Variants in TUSC3 observed in about 807,000 individuals in gnomAD.
TUSC3 encodes dolichyl-diphosphooligosaccharide--protein glycosyltransferase subunit TUSC3.
Under a neutral mutation model 44.8 loss-of-function variants are expected in TUSC3, and 45 were observed. The observed-to-expected ratio is 1.00, with a 90% CI of 0.79 to 1.29. The LOEUF (loss-of-function observed/expected upper bound fraction) is 1.29. Among genes scored for constraint, TUSC3 ranks in the 50% most tolerant of loss-of-function variants. The probability of loss-of-function intolerance (pLI) is 0.00; values close to 1 mark genes in which losing one functional copy is unlikely to be tolerated. For missense variants in TUSC3, 519 were observed against 437.9 expected, an observed-to-expected ratio of 1.19 and a Z score of -1.65; for synonymous variants, 212 against 152.9, an observed-to-expected ratio of 1.39 and a Z score of -2.85.
chr8:15,662,058 C>T, intron 4 of TUSC3, 98 bp from the exon 5 acceptor site: 3 of 1,380,126 alleles, frequency 2.2e-6, no homozygotes, highest in Non-Finnish European at 3.0e-6. Context: ...TGGCATGTTT[C>T]TGAGTTCTTT....
chr8:15,673,187 T>G (rs879745617), intron 5 of TUSC3, among the ~76,000 whole-genome samples: 9 of 152,114 alleles, frequency 5.9e-5, no homozygotes, highest in Admixed American at 3.3e-4. Context: ...GTATATAATC[T>G]TTGCGAGTTA....
intron 1 of TUSC3, among the ~76,000 whole-genome samples, chr8:15,582,047 A>G (rs1803377553): frequency 6.6e-6 from 1 of 152,134 alleles, no homozygotes; most frequent in East Asian, 1.9e-4. Flanking sequence ...AAAGCGCAAT[A>G]TTCGGGTGGC....
chr8:15,539,538 A>C (rs6993637), upstream of TUSC3, among the ~76,000 whole-genome samples: 2,167 of 151,730 alleles, frequency 0.014, 54 homozygotes, highest in African/African-American at 0.049. Flanking sequence ...TTTAGTAGAA[A>C]TGGGGTTTCC....
intron 1 of TUSC3, among the ~76,000 whole-genome samples, chr8:15,555,157 T>C (rs1802204059): frequency 8.7e-6 from 1 of 115,262 alleles, no homozygotes; most frequent in Admixed American, 8.8e-5. Context: ...TTTTTTTTTT[T>C]TTTTTGGGGG....
intron 2 of TUSC3, among the ~76,000 whole-genome samples, chr8:15,629,864 T>G (rs181670341): frequency 6.6e-6 from 1 of 152,162 alleles, no homozygotes; most frequent in East Asian, 1.9e-4. Flanking sequence ...CAGATAATTC[T>G]GCTCTTCCTT....
At chr8:15,629,883 C>T (rs1344770868) in intron 2 of TUSC3, among the ~76,000 whole-genome samples, 2 of 152,070 alleles carry the variant, frequency 1.3e-5, no homozygotes, top group African/African-American at 4.8e-5. Context: ...TTCACACAGT[C>T]AGTTTATTCA....
chr8:15,429,043 C>G (rs1799839277), intron 1 of TUSC3, among the ~76,000 whole-genome samples: 1 of 152,124 alleles, frequency 6.6e-6, no homozygotes, highest in South Asian at 2.1e-4. Context: ...AAGTCCTTGC[C>G]CATGCCTATG....
chr8:15,837,085 G>T, the TUSC3 span, among the ~76,000 whole-genome samples: 2 of 152,072 alleles, frequency 1.3e-5, no homozygotes, highest in Non-Finnish European at 1.5e-5. Context: ...ATTTCCTTGA[G>T]AAATGTTTAA....
At chr8:15,627,466 C>A (rs1293820259) in intron 2 of TUSC3, among the ~76,000 whole-genome samples, 2 of 152,202 alleles carry the variant, frequency 1.3e-5, no homozygotes, top group Non-Finnish European at 2.9e-5. Context: ...GAACTTGGGA[C>A]CTGCCAAATG....
chr8:15,846,806 C>T, the TUSC3 span, among the ~76,000 whole-genome samples: 6 of 149,340 alleles, frequency 4.0e-5, no homozygotes, highest in Non-Finnish European at 7.4e-5. Flanking sequence ...CACCATGGCA[C>T]ATGCATACCC....
At chr8:15,434,449 A>T (rs1799918665) in intron 1 of TUSC3, among the ~76,000 whole-genome samples, 1 of 152,000 alleles carries the variant, frequency 6.6e-6, no homozygotes, top group Non-Finnish European at 1.5e-5. Flanking sequence ...TGTCTTTCAA[A>T]GATGAAATCT....
the TUSC3 span, among the ~76,000 whole-genome samples, chr8:15,790,306 C>T: frequency 6.6e-6 from 1 of 151,162 alleles, no homozygotes; most frequent in South Asian, 2.1e-4. Context: ...CTGCCTCAGC[C>T]TCCCAAGTAG....
intron 4 of TUSC3, 40 bp from the exon 5 acceptor site, chr8:15,662,115 AT>A: frequency 6.2e-7 from 1 of 1,608,330 alleles, no homozygotes; most frequent in Non-Finnish European, 8.5e-7. Context: ...GAAAAATTTT[AT>A]TTTTCTTTCA....
intron 7 of TUSC3, among the ~76,000 whole-genome samples, chr8:15,737,941 C>T (rs1391279031): frequency 6.6e-6 from 1 of 152,072 alleles, no homozygotes; most frequent in African/African-American, 2.4e-5. Flanking sequence ...AAAAATGTTT[C>T]AGTTAATACA....
intron 1 of TUSC3, among the ~76,000 whole-genome samples, chr8:15,582,190 T>G (rs976555537): frequency 1.3e-5 from 2 of 152,188 alleles, no homozygotes; most frequent in African/African-American, 2.4e-5. Context: ...GCGCACCCAC[T>G]GGCCTGCGCC....
intron 3 of TUSC3, among the ~76,000 whole-genome samples, chr8:15,655,495 C>T (rs551644629): frequency 1.2e-4 from 18 of 152,344 alleles, no homozygotes; most frequent in African/African-American, 4.1e-4. Flanking sequence ...ACCCTGGGGT[C>T]ATGCCAGTGT....
At chr8:15,698,906 C>T (rs1021065978) in intron 6 of TUSC3, among the ~76,000 whole-genome samples, 22 of 150,788 alleles carry the variant, frequency 1.5e-4, no homozygotes, top group Admixed American at 1.3e-3. Flanking sequence ...AGTTCAGTGG[C>T]GTGATCACAG....
chr8:15,721,331 T>A (rs1810297464), intron 6 of TUSC3, among the ~76,000 whole-genome samples: 1 of 152,120 alleles, frequency 6.6e-6, no homozygotes, highest in African/African-American at 2.4e-5. Flanking sequence ...TCATCCTTAA[T>A]GCAGAATTAT....
At chr8:15,603,638 A>T (rs954434650) in intron 1 of TUSC3, among the ~76,000 whole-genome samples, 1 of 151,664 alleles carries the variant, frequency 6.6e-6, no homozygotes, top group Non-Finnish European at 1.5e-5. Context: ...ATTTTATAAC[A>T]AGAATTTAGT....
Sources: gnomAD v4.1 joint callset for allele counts (sites outside exome capture counted in the v4.1 genomes callset) on GRCh38, gnomAD v4.1.1 for gene constraint, MANE v1.5 for transcripts, NCBI Gene and HGNC (gene_info 2026-07-23, HGNC 2026-07-21) for gene names.